The following ZMYM4 variants were observed in gnomAD, a reference collection of about 807,000 sequenced individuals.
ZMYM4 encodes the protein zinc finger MYM-type protein 4.
In ZMYM4, 31 loss-of-function variants were observed where a neutral mutation model predicts 183.2. The ratio of observed to expected loss-of-function variants is 0.17; its 90% CI spans 0.13 to 0.23. The LOEUF is 0.23. ZMYM4 is among the 10% of genes least tolerant of loss of function. ZMYM4 has a pLI of 1.00. For missense variants in ZMYM4, 1,273 were observed against 1,840.3 expected (o/e 0.69, Z 5.64); for synonymous variants, 592 against 631.2 (o/e 0.94, Z 0.93).
intron 1 of ZMYM4, among the ~76,000 whole-genome samples, chr1:35,303,876 T>C (rs976322525): frequency 2.0e-5 from 3 of 152,180 alleles, no homozygotes; most frequent in Non-Finnish European, 4.4e-5. Flanking sequence ...TTAAGTTATA[T>C]CAATAACTTA....
At chr1:35,344,362 G>T (rs1643314937) in intron 2 of ZMYM4, among the ~76,000 whole-genome samples, 1 of 152,008 alleles carries the variant, frequency 6.6e-6, no homozygotes, top group Non-Finnish European at 1.5e-5. Flanking sequence ...CCGCTAGGAT[G>T]TTTATTACAG....
intron 2 of ZMYM4, among the ~76,000 whole-genome samples, chr1:35,335,900 C>A (rs1642954698): frequency 6.6e-6 from 1 of 152,150 alleles, no homozygotes; most frequent in Non-Finnish European, 1.5e-5. Flanking sequence ...TTGCAGTGAG[C>A]CTGGGCGAGA....
intron 26 of ZMYM4, among the ~76,000 whole-genome samples, chr1:35,408,525 GC>G (rs1427410059): frequency 1.3e-5 from 2 of 152,034 alleles, no homozygotes; most frequent in Non-Finnish European, 2.9e-5. Flanking sequence ...ATCACTTGAG[GC>G]CAGTGATGCA....
At chr1:35,313,547 C>T (rs908073891) in intron 1 of ZMYM4, among the ~76,000 whole-genome samples, 8 of 151,782 alleles carry the variant, frequency 5.3e-5, no homozygotes, top group Non-Finnish European at 5.9e-5. Context: ...CGTCACCACA[C>T]CCGGCTAATT....
rs1640267494 is a variant in ZMYM4, at chr1:35,419,862, CTGAGAA to C, written c.*186_*191del. The C allele has an allele frequency of 1.6e-6, 1 of 615,414 alleles. No homozygotes were observed. Among genetic ancestry groups the C allele is most frequent in the African/African-American group, 1.8e-5 (1 of 54,124 alleles). The allele number at this position is 615,414 out of a possible 1,614,324, so 38.1% of individuals were successfully genotyped here. On this transcript the variant is annotated 3_prime_UTR_variant, in exon 30 of 30. Coordinates refer to ENST00000314607, the MANE Select transcript of ZMYM4 (RefSeq NM_005095.3). ...TGAAAATTGAAGGAAAGAATATGAA[CTGAGAA>C]ATGTTCTTTGGCAGTGATATAGTTC...
At chr1:35,276,947 C>T (rs1639908255) in intron 1 of ZMYM4, among the ~76,000 whole-genome samples, 1 of 152,174 alleles carries the variant, frequency 6.6e-6, no homozygotes, top group Non-Finnish European at 1.5e-5. Context: ...GTGCTCCTTT[C>T]CCATGCTATT....
At chr1:35,335,531 G>T (rs1019199365) in intron 2 of ZMYM4, among the ~76,000 whole-genome samples, 1 of 152,136 alleles carries the variant, frequency 6.6e-6, no homozygotes, top group African/African-American at 2.4e-5. Flanking sequence ...GAGCCACCAT[G>T]CCTGGCCCTC....
intron 23 of ZMYM4, chr1:35,400,338 A>C (rs1459067564): frequency 6.7e-6 from 1 of 148,728 alleles, no homozygotes; most frequent in Non-Finnish European, 1.5e-5. Context: ...AGTAGCTGGG[A>C]CTACAGGTGC....
In ZMYM4 at chr1:35,393,743, T is replaced by A. The variant is rs1644752212; in HGVS notation, c.2911+4T>A. The A allele has an allele frequency of 6.3e-7, 1 of 1,592,098 alleles. No homozygotes were observed. The highest frequency in any genetic ancestry group is 1.4e-5 in the African/African-American group (1 of 73,870). On this transcript the variant is annotated splice_donor_region_variant and intron_variant, in intron 18 of 29. Transcript: ENST00000314607. ...CAAAACAAAGAATGCCAGACAGGTA[T>A]GTTCCTTGGTCTTTCTTTCTTTATT...
chr1:35,328,776 A>G (rs1253388324), intron 2 of ZMYM4, among the ~76,000 whole-genome samples: 1 of 152,178 alleles, frequency 6.6e-6, no homozygotes, highest in Non-Finnish European at 1.5e-5. Context: ...ATAGACCCCT[A>G]TCCAGGAGAG....
intron 2 of ZMYM4, among the ~76,000 whole-genome samples, chr1:35,352,306 CACA>C: frequency 7.7e-6 from 1 of 129,574 alleles, no homozygotes; most frequent in Admixed American, 7.7e-5. Context: ...CACACACACA[CACA>C]GCCAAAGTCC....
In ZMYM4 at chr1:35,376,138, A is replaced by G. The variant is rs1644329465; in HGVS notation, c.1182-5121A>G. Among the ~76,000 whole-genome samples the G allele has an allele frequency of 2.6e-5, 4 of 152,104 alleles. No homozygotes were observed. In the South Asian group the frequency reaches 8.3e-4, roughly 32 times the overall value. On this transcript the variant is annotated intron_variant, in intron 7 of 29. Transcript: ENST00000314607. The stretch of plus-strand genomic sequence containing the variant: ...GGTAATTTGGAGGATAATTTTGTTA[A>G]TACTGTTAGATCAGATTCTTGTTAT...
intron 28 of ZMYM4, among the ~76,000 whole-genome samples, chr1:35,415,989 T>C (rs1321769280): frequency 6.6e-6 from 1 of 152,194 alleles, no homozygotes; most frequent in African/African-American, 2.4e-5. Flanking sequence ...TCTCAGGAAA[T>C]TAAAAAATAC....
chr1:35,404,969 C>T, intron 23 of ZMYM4, 54 bp from the exon 24 acceptor site: 1 of 1,524,032 alleles, frequency 6.6e-7, no homozygotes, highest in East Asian at 2.3e-5. Context: ...AACCCTGACT[C>T]TTAAAAATCC....
At chr1:35,339,116 A>G (rs1198661894) in intron 2 of ZMYM4, among the ~76,000 whole-genome samples, 1 of 152,242 alleles carries the variant, frequency 6.6e-6, no homozygotes, top group African/African-American at 2.4e-5. Flanking sequence ...TCGTGGATCA[A>G]AAATATTTGG....
At chr1:35,306,946 C>G (rs1641559640) in intron 1 of ZMYM4, among the ~76,000 whole-genome samples, 1 of 152,194 alleles carries the variant, frequency 6.6e-6, no homozygotes, top group Non-Finnish European at 1.5e-5. Context: ...TCCTGATAAA[C>G]TGAAAAGTAC....
intron 19 of ZMYM4, 27 bp from the exon 20 acceptor site, chr1:35,397,350 G>A (rs1470757705): frequency 6.6e-7 from 1 of 1,504,794 alleles, no homozygotes; most frequent in Non-Finnish European, 8.9e-7. Flanking sequence ...GCCAAAGAAA[G>A]CCTTCAGTCT....
At position 35,405,138 on chromosome 1, in the gene ZMYM4, A is replaced by C. The variant is rs764956209; in HGVS notation, c.3644A>C (p.Lys1215Thr). ...LKYMYGVNAW[K>T]NWVQWKNAKE... ...TACATGTATGGGGTAAATGCTTGGA[A>C]GAACTGGGTTCAGTGGAAAAATGCC... Residue 1215 changes from lysine (K) to threonine (T), a missense_variant, in exon 24 of 30, where the codon AAG (lysine) becomes ACG (threonine). Lys to Thr is a moderately conservative substitution (Grantham distance 78, BLOSUM62 -1). Transcript: ENST00000314607. The C allele has an allele frequency of 6.2e-7, 1 of 1,614,150 alleles. No individual in the cohort carries two copies. Among genetic ancestry groups the C allele is most frequent in the Non-Finnish European group, 8.5e-7 (1 of 1,180,016 alleles).
chr1:35,304,755 C>T (rs985590555), intron 1 of ZMYM4, among the ~76,000 whole-genome samples: 6 of 152,026 alleles, frequency 3.9e-5, no homozygotes, highest in African/African-American at 1.4e-4. Context: ...ACGTGTGAGC[C>T]ACCACTCCCA....
Sources: allele counts gnomAD v4.1 joint callset (sites outside exome capture counted in the v4.1 genomes callset), GRCh38; gene constraint gnomAD v4.1.1; transcripts MANE v1.5; gene names NCBI Gene and HGNC (gene_info 2026-07-23, HGNC 2026-07-21).